The following RAB27B variants were observed in gnomAD, a reference collection of about 807,000 sequenced individuals.
RAB27B encodes RAB27B, member RAS oncogene family, also known as ras-related protein Rab-27B.
A neutral mutation model predicts 24.6 loss-of-function variants in RAB27B; 15 were observed. The ratio of observed to expected loss-of-function variants is 0.61; its 90% CI spans 0.41 to 0.94. The LOEUF is 0.94. RAB27B is among the 40% of genes least tolerant of loss of function. The probability of loss-of-function intolerance (pLI) is 0.00; values close to 1 mark genes in which losing one functional copy is unlikely to be tolerated. For synonymous variants in RAB27B, 105 were observed against 92.5 expected, an observed-to-expected ratio of 1.14 and a Z score of -0.78; for missense variants, 261 against 266.8, an observed-to-expected ratio of 0.98 and a Z score of 0.15.
intron 2 of RAB27B, among the ~76,000 whole-genome samples, chr18:54,804,768 A>G (rs2145135956): frequency 6.6e-6 from 1 of 152,164 alleles, no homozygotes; most frequent in South Asian, 2.1e-4. Flanking sequence ...GGGAAATGGG[A>G]TCTCTGGGTG....
intron 1 of RAB27B, among the ~76,000 whole-genome samples, chr18:54,843,921 A>G (rs1911216851): frequency 6.6e-6 from 1 of 152,204 alleles, no homozygotes. Flanking sequence ...TTACCCATCC[A>G]AACAAGTTTA....
chr18:54,800,789 C>T (rs950135948), intron 2 of RAB27B, among the ~76,000 whole-genome samples: 1 of 152,046 alleles, frequency 6.6e-6, no homozygotes, highest in African/African-American at 2.4e-5. Flanking sequence ...GTCATTTTCT[C>T]TGGTTATTAC....
At position 54,838,647 on chromosome 18, in the gene RAB27B, C is replaced by T. The variant is rs1294319922; in HGVS notation, c.-20+9947C>T. On this transcript the variant is annotated intron_variant, in intron 1 of 5. Coordinates refer to ENST00000262094, the MANE Select transcript of RAB27B (RefSeq NM_004163.4). The stretch of plus-strand genomic sequence containing the variant: ...TCTAGTTCTGAACAAATATGTTTTT[C>T]ATAAAAGCTCCCTATAATATGGCAA... 4.6e-5 allele frequency among the ~76,000 whole-genome samples: 7 copies of T among 152,212 alleles called. No homozygotes were observed. In the East Asian group the frequency reaches 1.3e-3, roughly 29 times the overall value.
chr18:54,824,250 C>T (rs188105024), upstream of RAB27B, among the ~76,000 whole-genome samples: 1 of 152,216 alleles, frequency 6.6e-6, no homozygotes, highest in African/African-American at 2.4e-5. Flanking sequence ...TTTCTTGCAA[C>T]TTTTTGTTTC....
chr18:54,744,734 G>C (rs767826233), intron 2 of RAB27B: 4 of 153,468 alleles, frequency 2.6e-5, no homozygotes, highest in Non-Finnish European at 5.8e-5. Context: ...AGAACTTAAA[G>C]GGAAACTTTT....
chr18:54,879,793 G>A (rs553825057), intron 3 of RAB27B: 27 of 205,896 alleles, frequency 1.3e-4, no homozygotes, highest in African/African-American at 5.0e-4. Flanking sequence ...TACTTGAAGA[G>A]GGAGTTGAAG....
chr18:54,816,252 G>T (rs573994658), intron 2 of RAB27B, among the ~76,000 whole-genome samples: 3 of 152,266 alleles, frequency 2.0e-5, no homozygotes, highest in Non-Finnish European at 4.4e-5. Context: ...CCAAATTGAG[G>T]GTATAAGGCG....
In RAB27B at chr18:54,891,855, T is replaced by G. The variant is rs1282956723; in HGVS notation, c.*2442T>G. ...AAAATAACAATTATTGGGTAATAAC[T>G]TCAAGAGGAATGAGAAGTGACAAAA... is the stretch of plus-strand genomic sequence containing the variant. On this transcript the variant is annotated 3_prime_UTR_variant, in exon 6 of 6. Transcript: ENST00000262094. The G allele has an allele frequency of 6.6e-6, 1 of 152,054 alleles. No individual in the cohort carries two copies. Among genetic ancestry groups the G allele is most frequent in the Non-Finnish European group, 1.5e-5 (1 of 67,990 alleles). 9.4% of individuals were successfully genotyped at this position (152,054 alleles called of 1,614,324 possible).
chr18:54,832,074 A>G (rs1365268263), intron 1 of RAB27B, among the ~76,000 whole-genome samples: 1 of 152,158 alleles, frequency 6.6e-6, no homozygotes, highest in East Asian at 1.9e-4. Flanking sequence ...GCGCCTGGCC[A>G]GGTGATGTTT....
intron 2 of RAB27B, among the ~76,000 whole-genome samples, chr18:54,797,891 T>C (rs555162040): frequency 2.6e-5 from 4 of 152,380 alleles, no homozygotes; most frequent in Admixed American, 6.5e-5. Context: ...CATCAACTTG[T>C]AGTTCTCAAT....
At chr18:54,747,802 T>C (rs541125626) in intron 2 of RAB27B, among the ~76,000 whole-genome samples, 62 of 152,308 alleles carry the variant, frequency 4.1e-4, no homozygotes, top group African/African-American at 1.4e-3. Context: ...ATTTTGTGCA[T>C]AAAGACTTTA....
At chr18:54,888,983 G>C (rs1316448930) in intron 5 of RAB27B, among the ~76,000 whole-genome samples, 7 of 152,040 alleles carry the variant, frequency 4.6e-5, no homozygotes, top group African/African-American at 1.7e-4. Flanking sequence ...TCAACTTCCT[G>C]ACTACCTCTT....
chr18:54,744,362 G>A (rs980446526), intron 2 of RAB27B, among the ~76,000 whole-genome samples: 21 of 152,118 alleles, frequency 1.4e-4, no homozygotes, highest in Admixed American at 9.8e-4. Flanking sequence ...GGGCTATACT[G>A]ATATTCTAGC....
chr18:54,815,459 A>G (rs1228675916), intron 2 of RAB27B, among the ~76,000 whole-genome samples: 1 of 152,146 alleles, frequency 6.6e-6, no homozygotes, highest in African/African-American at 2.4e-5. Flanking sequence ...CGTAATGGCT[A>G]TTTTCCAAAT....
intron 1 of RAB27B, among the ~76,000 whole-genome samples, chr18:54,857,392 T>A (rs1346883221): frequency 6.6e-6 from 1 of 152,204 alleles, no homozygotes; most frequent in Admixed American, 6.5e-5. Context: ...AGAGGTACAG[T>A]AGCTTTTGCA....
At chr18:54,730,452 G>A (rs117797533) in intron 2 of RAB27B, among the ~76,000 whole-genome samples, 3 of 152,144 alleles carry the variant, frequency 2.0e-5, no homozygotes, top group South Asian at 4.2e-4. Flanking sequence ...AGTTATTAGC[G>A]TGCTGCATTT....
intron 2 of RAB27B, among the ~76,000 whole-genome samples, chr18:54,755,208 G>A (rs1004705395): frequency 2.1e-4 from 32 of 152,026 alleles, no homozygotes; most frequent in African/African-American, 7.2e-4. Flanking sequence ...TGGCCAACAC[G>A]ATGAAACCCC....
intron 2 of RAB27B, among the ~76,000 whole-genome samples, chr18:54,810,853 TAAATAAA>T (rs1293457581): frequency 4.7e-5 from 7 of 148,882 alleles, no homozygotes; most frequent in African/African-American, 1.7e-4. Flanking sequence ...AATAAATAAA[TAAATAAA>T]TAAATAAATA....
intron 3 of RAB27B, among the ~76,000 whole-genome samples, chr18:54,882,376 G>A (rs926136205): frequency 6.6e-6 from 1 of 152,132 alleles, no homozygotes; most frequent in African/African-American, 2.4e-5. Flanking sequence ...TGGATAGCAA[G>A]TTAGAAACAC....
Sources: gnomAD v4.1 joint callset for allele counts (sites outside exome capture counted in the v4.1 genomes callset) on GRCh38, gnomAD v4.1.1 for gene constraint, MANE v1.5 for transcripts, NCBI Gene and HGNC (gene_info 2026-07-23, HGNC 2026-07-21) for gene names.